Variants in TENM3 observed in about 807,000 individuals in gnomAD.
TENM3 encodes the protein teneurin transmembrane protein 3, also known as teneurin-3.
A neutral mutation model predicts 255.1 loss-of-function variants in TENM3; 63 were observed. The observed-to-expected ratio is 0.25, with a 90% CI of 0.20 to 0.30. The LOEUF (loss-of-function observed/expected upper bound fraction) is 0.30. TENM3 is among the 10% of genes least tolerant of loss of function. The pLI is 1.00. For missense variants in TENM3, 2,929 were observed against 3,461.1 expected (o/e 0.85, Z 3.86); for synonymous variants, 1,306 against 1,322.3 (o/e 0.99, Z 0.27).
the TENM3 span, among the ~76,000 whole-genome samples, chr4:181,616,029 G>A: frequency 1.3e-5 from 2 of 151,254 alleles, no homozygotes; most frequent in African/African-American, 4.9e-5. Context: ...TTTTGGTTGA[G>A]AGAGAAAGAG....
At chr4:182,417,386 C>T (rs1027541407) in intron 3 of TENM3, among the ~76,000 whole-genome samples, 2 of 152,084 alleles carry the variant, frequency 1.3e-5, no homozygotes, top group African/African-American at 4.8e-5. Flanking sequence ...TAGTTTCTCA[C>T]TAATTAAATA....
In TENM3 at chr4:182,729,055, A is replaced by G; in HGVS notation, c.2459A>G (p.Asp820Gly). 1 of 1,613,982 alleles carries G rather than the reference A, an allele frequency of 6.2e-7. No homozygotes were observed. Among genetic ancestry groups the G allele is most frequent in the East Asian group, 2.2e-5 (1 of 44,878 alleles). ...TGTCGGGGACTGCCGGATCCTCAGG[A>G]CATCATTAGCCAAAGCCTTCAATCG... ...PYCRGLPDPQDIISQSLQSPS... is the reference protein window; with the variant it reads ...PYCRGLPDPQGIISQSLQSPS... The change falls in exon 14 of 28, where the codon GAC (aspartate) becomes GGC (glycine). Residue 820 changes from aspartate (D) to glycine (G), a missense_variant. Asp to Gly is a moderately conservative substitution (Grantham distance 94, BLOSUM62 -1). Coordinates refer to ENST00000511685, the MANE Select transcript of TENM3 (RefSeq NM_001080477.4).
the TENM3 span, among the ~76,000 whole-genome samples, chr4:182,095,178 T>G: frequency 1.3e-5 from 2 of 152,138 alleles, no homozygotes; most frequent in African/African-American, 4.8e-5. Context: ...CTGCTGGGTA[T>G]ATATCCAAAA....
chr4:182,504,565 GA>G (rs996137987), intron 3 of TENM3, among the ~76,000 whole-genome samples: 2 of 152,164 alleles, frequency 1.3e-5, no homozygotes, highest in African/African-American at 4.8e-5. Flanking sequence ...TCCTTCATTT[GA>G]AAAAGTAACA....
intron 1 of TENM3, among the ~76,000 whole-genome samples, chr4:182,161,649 A>ATACAAATATATATATG (rs1386292579): frequency 1.8e-5 from 2 of 113,888 alleles, no homozygotes; most frequent in African/African-American, 6.9e-5. Flanking sequence ...GTATATATAT[A>ATACAAATATATATATG]TATACACACA....
At chr4:182,617,003 T>G (rs1461636989) in intron 4 of TENM3, among the ~76,000 whole-genome samples, 2 of 152,234 alleles carry the variant, frequency 1.3e-5, no homozygotes, top group Non-Finnish European at 2.9e-5. Context: ...TTGAACACAT[T>G]GCTAAATATA....
the TENM3 span, among the ~76,000 whole-genome samples, chr4:181,973,560 G>GA: frequency 1.3e-5 from 2 of 152,014 alleles, no homozygotes; most frequent in Non-Finnish European, 2.9e-5. Flanking sequence ...AGACTAGCCT[G>GA]GGAAACATAG....
chr4:182,146,815 A>T (rs1438648186), intron 1 of TENM3, among the ~76,000 whole-genome samples: 1 of 152,216 alleles, frequency 6.6e-6, no homozygotes, highest in African/African-American at 2.4e-5. Context: ...TATTGGGAAT[A>T]AAGCAGATAG....
chr4:181,750,466 C>T, the TENM3 span, among the ~76,000 whole-genome samples: 4 of 152,146 alleles, frequency 2.6e-5, no homozygotes, highest in African/African-American at 9.7e-5. Flanking sequence ...TTCTGTTTAG[C>T]TGAACTAGGC....
intron 12 of TENM3, among the ~76,000 whole-genome samples, chr4:182,706,140 C>T (rs1343780057): frequency 3.9e-5 from 6 of 152,038 alleles, no homozygotes; most frequent in East Asian, 1.9e-4. Flanking sequence ...GCTTCTAGTT[C>T]GCCTTACACA....
chr4:182,147,960 A>C (rs1750079723), intron 1 of TENM3, among the ~76,000 whole-genome samples: 1 of 152,174 alleles, frequency 6.6e-6, no homozygotes, highest in Non-Finnish European at 1.5e-5. Context: ...AATACATTTA[A>C]AACTTATTTT....
At chr4:181,793,382 T>TGA in the TENM3 span, among the ~76,000 whole-genome samples, 4 of 152,332 alleles carry the variant, frequency 2.6e-5, no homozygotes, top group East Asian at 7.7e-4. Flanking sequence ...CAGAGCATGC[T>TGA]GAGGCTTGTT....
the TENM3 span, among the ~76,000 whole-genome samples, chr4:182,030,931 A>AT: frequency 6.6e-6 from 1 of 152,082 alleles, no homozygotes; most frequent in Non-Finnish European, 1.5e-5. Context: ...ATTTGTTTAA[A>AT]TTCCTTGTAA....
At chr4:181,453,775 A>G in the TENM3 span, among the ~76,000 whole-genome samples, 1 of 152,150 alleles carries the variant, frequency 6.6e-6, no homozygotes, top group African/African-American at 2.4e-5. Flanking sequence ...TTAGTCCTGT[A>G]GGGATGCCTG....
At chr4:182,336,018 A>G (rs1394279788) in intron 2 of TENM3, among the ~76,000 whole-genome samples, 1 of 152,204 alleles carries the variant, frequency 6.6e-6, no homozygotes, top group African/African-American at 2.4e-5. Context: ...TTCATTGAGC[A>G]TTCATATATC....
chr4:182,083,104 A>G, the TENM3 span, among the ~76,000 whole-genome samples: 3 of 152,238 alleles, frequency 2.0e-5, no homozygotes, highest in Non-Finnish European at 4.4e-5. Flanking sequence ...AACACAAGTT[A>G]AAAGTTCACA....
At chr4:181,519,048 T>A in the TENM3 span, among the ~76,000 whole-genome samples, 1 of 152,300 alleles carries the variant, frequency 6.6e-6, no homozygotes, top group Admixed American at 6.5e-5. Context: ...AAAAAATATA[T>A]GTTTAACTTA....
At chr4:182,748,660 C>G (rs1029111846) in intron 19 of TENM3, among the ~76,000 whole-genome samples, 1 of 152,192 alleles carries the variant, frequency 6.6e-6, no homozygotes, top group African/African-American at 2.4e-5. Flanking sequence ...GCTGATCCCT[C>G]TTTTCATTTA....
intron 4 of TENM3, 124 bp downstream of exon 4, chr4:182,601,285 C>A: frequency 1.3e-6 from 1 of 771,264 alleles, no homozygotes; most frequent in Non-Finnish European, 2.1e-6. Context: ...CTTTTTTCTT[C>A]TCTAAGAAGC....
Sources: gnomAD v4.1 joint callset for allele counts (sites outside exome capture counted in the v4.1 genomes callset) on GRCh38, gnomAD v4.1.1 for gene constraint, MANE v1.5 for transcripts, NCBI Gene and HGNC (gene_info 2026-07-23, HGNC 2026-07-21) for gene names.